Variants in RGP1 observed in about 807,000 individuals in gnomAD.
The protein encoded by RGP1 is RGP1 partner of RAB6A GEF complex, also known as RAB6A-GEF complex partner protein 2.
In RGP1, 28 loss-of-function variants were observed where a neutral mutation model predicts 44.5. The ratio of observed to expected loss-of-function variants is 0.63; its 90% CI spans 0.47 to 0.86. The LOEUF is 0.86. Among genes scored for constraint, RGP1 ranks in the 40% least tolerant of loss-of-function variants. The probability of loss-of-function intolerance (pLI) is 0.00; values close to 1 mark genes in which losing one functional copy is unlikely to be tolerated. For missense variants in RGP1, 417 were observed against 490.7 expected, an observed-to-expected ratio of 0.85 and a Z score of 1.42; for synonymous variants, 212 against 196.7, an observed-to-expected ratio of 1.08 and a Z score of -0.65.
intron 6 of RGP1, 90 bp downstream of exon 6, chr9:35,751,502 G>A (rs1435660612): frequency 5.0e-6 from 8 of 1,599,048 alleles, no homozygotes; most frequent in Middle Eastern, 1.7e-4. Context: ...ACACACTTCT[G>A]TGGATCCACT....
the RGP1 span, chr9:35,786,603 G>A: frequency 2.0e-5 from 3 of 152,182 alleles, no homozygotes. Flanking sequence ...GGAAATAAAT[G>A]TATGTGGTTG....
intron 8 of RGP1, 86 bp from the exon 9 acceptor site, chr9:35,752,565 T>C: frequency 1.7e-6 from 2 of 1,162,580 alleles, no homozygotes; most frequent in Non-Finnish European, 2.5e-6. Context: ...CAGATTGTTT[T>C]CTTCTCATTC....
the RGP1 span, among the ~76,000 whole-genome samples, chr9:35,787,343 C>T: frequency 6.6e-6 from 1 of 152,174 alleles, no homozygotes; most frequent in African/African-American, 2.4e-5. Context: ...GATTCTCCTA[C>T]CTCAGCCTCC....
chr9:35,783,414 C>T, the RGP1 span, among the ~76,000 whole-genome samples: 3 of 152,110 alleles, frequency 2.0e-5, no homozygotes, highest in Non-Finnish European at 2.9e-5. Context: ...AACACTGGAA[C>T]TTACTCCTCC....
At chr9:35,751,520 G>A (rs1407102049) in intron 6 of RGP1, 107 bp from the exon 7 acceptor site, 5 of 1,596,216 alleles carry the variant, frequency 3.1e-6, no homozygotes, top group Non-Finnish European at 4.3e-6. Context: ...ACTGATACCT[G>A]ACACCTCCAA....
At chr9:35,775,478 G>C in the RGP1 span, among the ~76,000 whole-genome samples, 1 of 152,172 alleles carries the variant, frequency 6.6e-6, no homozygotes, top group Non-Finnish European at 1.5e-5. Flanking sequence ...GGGAGAGAAG[G>C]GGAAGAGATA....
At chr9:35,769,994 C>T in the RGP1 span, among the ~76,000 whole-genome samples, 77 of 152,270 alleles carry the variant, frequency 5.1e-4, 1 homozygote, top group South Asian at 3.9e-3. Context: ...TCAGTTTCTC[C>T]GCCTAAGATT....
chr9:35,784,495 G>A, the RGP1 span, among the ~76,000 whole-genome samples: 1 of 152,160 alleles, frequency 6.6e-6, no homozygotes, highest in Non-Finnish European at 1.5e-5. Context: ...TGTCGCCCAG[G>A]CTGGAGTGCA....
At position 35,749,916 on chromosome 9, in the gene RGP1, C is replaced by A; in HGVS notation, c.116+45C>A. Reference sequence around the variant, plus strand: ...AGGTGGTGGCCCTTCTGGGAAGAAGCCAGATTATCTCTGGGGCTGAGGCAG... The same window carrying A: ...AGGTGGTGGCCCTTCTGGGAAGAAGACAGATTATCTCTGGGGCTGAGGCAG... On this transcript the variant is annotated intron_variant, in intron 2 of 8. Transcript: ENST00000378078. This position sits in a 1 kb window ranked among gnomAD's most constrained non-coding sequence, Gnocchi z 4.4. 1 of 1,418,648 alleles carries A rather than the reference C, an allele frequency of 7.0e-7. No homozygotes were observed. Among genetic ancestry groups the A allele is most frequent in the Non-Finnish European group, 9.9e-7 (1 of 1,009,670 alleles). 87.9% of individuals were successfully genotyped at this position (1,418,648 alleles called of 1,614,324 possible).
the RGP1 span, among the ~76,000 whole-genome samples, chr9:35,764,292 T>A: frequency 6.6e-6 from 1 of 152,200 alleles, no homozygotes; most frequent in Non-Finnish European, 1.5e-5. Flanking sequence ...GTGTGCATAT[T>A]CACACTCTTT....
Position 35,754,975 on chromosome 9 carries a change from G to A in RGP1, c.*2101G>A, listed in dbSNP as rs999745644. Reference sequence around the variant, plus strand: ...TGCCCTGATGGGATGAATCACTCCAGGTTCACAGAGGTGTCCTCTCTTTCC... The same window carrying A: ...TGCCCTGATGGGATGAATCACTCCAAGTTCACAGAGGTGTCCTCTCTTTCC... On this transcript the variant is annotated 3_prime_UTR_variant, in exon 9 of 9. Transcript: ENST00000378078. 3 of 152,228 alleles carry A rather than the reference G, an allele frequency of 2.0e-5. No individual in the cohort carries two copies. The highest frequency in any genetic ancestry group is 7.2e-5 in the African/African-American group (3 of 41,448). 9.4% of individuals were successfully genotyped at this position (152,228 alleles called of 1,614,324 possible). A position where few individuals can be genotyped will look rare whatever the true frequency, so the allele number is the denominator to read the frequency against.
At chr9:35,750,120 G>A (rs1827212811) in intron 2 of RGP1, 123 bp from the exon 3 acceptor site, 1 of 1,372,842 alleles carries the variant, frequency 7.3e-7, no homozygotes, top group Middle Eastern at 2.2e-4. Context: ...TTGGGATTGT[G>A]GATTTCCTGA....
the RGP1 span, among the ~76,000 whole-genome samples, chr9:35,768,020 C>G: frequency 0.053 from 7,983 of 151,982 alleles, 247 homozygotes; most frequent in African/African-American, 0.073. Context: ...AGACTGGTCT[C>G]CAACTCCTGA....
chr9:35,771,535 G>A, the RGP1 span, among the ~76,000 whole-genome samples: 2 of 152,202 alleles, frequency 1.3e-5, no homozygotes, highest in Non-Finnish European at 2.9e-5. Context: ...AATTGGGTCT[G>A]AGGCTAGCTC....
At chr9:35,783,977 A>G in the RGP1 span, among the ~76,000 whole-genome samples, 2 of 152,178 alleles carry the variant, frequency 1.3e-5, no homozygotes, top group African/African-American at 2.4e-5. Context: ...GATAATAGCC[A>G]TTCCAACTGG....
Position 35,753,848 on chromosome 9 carries a change from G to T in RGP1, c.*974G>T. ...GCTCTTCTGGTCTGGGGTGGAGACA[G>T]TAAGTACGCACTATCCCCGTATTTA... is the stretch of plus-strand genomic sequence containing the variant. On this transcript the variant is annotated 3_prime_UTR_variant, in exon 9 of 9. Coordinates refer to ENST00000378078, the MANE Select transcript of RGP1 (RefSeq NM_001080496.3). The surrounding 1 kb of genome is among the most constrained non-coding windows in gnomAD (Gnocchi z 4.2). The T allele has an allele frequency of 6.6e-7, 1 of 1,522,200 alleles. No individual in the cohort carries two copies. The highest frequency in any genetic ancestry group is 9.1e-7 in the Non-Finnish European group (1 of 1,104,330). The allele number at this position is 1,522,200 out of a possible 1,614,324, so 94.3% of individuals were successfully genotyped here.
chr9:35,751,305 C>A lies in RGP1; in HGVS notation c.527C>A (p.Ala176Asp), dbSNP rs1277891046. The A allele has an allele frequency of 1.9e-6, 3 of 1,613,896 alleles. No homozygotes were observed. Among genetic ancestry groups the A allele is most frequent in the Non-Finnish European group, 2.5e-6 (3 of 1,179,888 alleles). The change falls in exon 6 of 9, where the codon GCC (alanine) becomes GAC (aspartate). Residue 176 changes from alanine to aspartate, a missense_variant. By Grantham distance (126) the Ala-to-Asp change is moderately radical. Coordinates refer to ENST00000378078, the MANE Select transcript of RGP1 (RefSeq NM_001080496.3). ...CGGTTTCCCCAGGATGAGGCTGTAG[C>A]CCCATCCAGTCCATTCTTGGAGGAG... ...DVRFPQDEAV[A>D]PSSPFLEEDE...
At chr9:35,750,131 T>C in intron 2 of RGP1, 112 bp from the exon 3 acceptor site, 1 of 1,423,172 alleles carries the variant, frequency 7.0e-7, no homozygotes, top group Non-Finnish European at 9.3e-7. Flanking sequence ...GATTTCCTGA[T>C]CACTAGGACA....
chr9:35,789,329 CTT>C, the RGP1 span, among the ~76,000 whole-genome samples: 10 of 137,678 alleles, frequency 7.3e-5, no homozygotes, highest in Non-Finnish European at 4.7e-5. Flanking sequence ...CTTCCACTTC[CTT>C]TTTTTTTTTT....
Sources: gnomAD v4.1 joint callset for allele counts (sites outside exome capture counted in the v4.1 genomes callset) on GRCh38, gnomAD v4.1.1 for gene constraint, Gnocchi (gnomAD v3.1) non-coding constraint, MANE v1.5 for transcripts, NCBI Gene and HGNC (gene_info 2026-07-23, HGNC 2026-07-21) for gene names.